The following NCAPD2 variants were observed in gnomAD, a reference collection of about 807,000 sequenced individuals.
NCAPD2 encodes condensin complex subunit 1.
In NCAPD2, 100 loss-of-function variants were observed where a neutral mutation model predicts 164.5. The ratio of observed to expected loss-of-function variants is 0.61; its 90% confidence interval spans 0.52 to 0.72. The LOEUF (loss-of-function observed/expected upper bound fraction) is 0.72. Ranked by LOEUF, NCAPD2 falls within the 30% of genes least tolerant of loss-of-function variation. NCAPD2 has a pLI of 0.00. For synonymous variants in NCAPD2, 585 were observed against 642.6 expected (o/e 0.91, Z 1.36); for missense variants, 1,560 against 1,749.2 (o/e 0.89, Z 1.93).
chr12:6,513,713 G>GTTTTTTTTTTTTTTTTTTTT (rs1303520172), intron 6 of NCAPD2, among the ~76,000 whole-genome samples: 16 of 50,108 alleles, frequency 3.2e-4, no homozygotes, highest in African/African-American at 8.8e-4. Flanking sequence ...TGGTGACTTT[G>GTTTTTTTTTTTTTTTTTTTT]TCTTTTTTTT....
intron 2 of NCAPD2, among the ~76,000 whole-genome samples, chr12:6,495,643 A>T (rs189035818): frequency 7.5e-4 from 115 of 152,322 alleles, no homozygotes; most frequent in Non-Finnish European, 6.9e-4. Flanking sequence ...AAAACCCATA[A>T]TATATATGTA....
chr12:6,529,757 A>G lies in NCAPD2; in HGVS notation c.3654-18A>G. Reference sequence around the variant, plus strand: ...AGCTGGATCTCCCAGTTCCTCACAAAGCCCTTCCTATCTGCAGAACTGAGC... The same window carrying G: ...AGCTGGATCTCCCAGTTCCTCACAAGGCCCTTCCTATCTGCAGAACTGAGC... On this transcript the variant is annotated intron_variant, in intron 28 of 31. Transcript: ENST00000315579. The G allele has an allele frequency of 6.2e-7, 1 of 1,606,338 alleles. No homozygotes were observed. Among genetic ancestry groups the G allele is most frequent in the Non-Finnish European group, 8.5e-7 (1 of 1,174,614 alleles).
intron 3 of NCAPD2, 39 bp from the exon 4 acceptor site, chr12:6,510,035 CT>C: frequency 1.3e-6 from 2 of 1,589,362 alleles, no homozygotes; most frequent in South Asian, 1.1e-5. Context: ...GCTCTGCAGG[CT>C]CCTTCCTGTC....
At chr12:6,516,207 C>CA (rs1344512751) in intron 9 of NCAPD2, among the ~76,000 whole-genome samples, 12 of 144,676 alleles carry the variant, frequency 8.3e-5, no homozygotes, top group African/African-American at 1.3e-4. Context: ...AAAAAAAAAC[C>CA]AAAAAAAACC....
At position 6,523,294 on chromosome 12, in the gene NCAPD2, C is replaced by T. The variant is rs560391483; in HGVS notation, c.2162C>T (p.Ser721Phe). The stretch of plus-strand genomic sequence containing the variant: ...GCCCAGGCTTTGATTCAGAATCTCT[C>T]TCTGCTGCTAGTGGATGCCTCGGTT... ...AKAQALIQNL[S>F]LLLVDASVGT... The change falls in exon 17 of 32, where the codon TCT (serine) becomes TTT (phenylalanine). Residue 721 changes from serine (S) to phenylalanine (F), a missense_variant. Coordinates refer to ENST00000315579, the MANE Select transcript of NCAPD2 (RefSeq NM_014865.4). 2 of 1,614,134 alleles carry T rather than the reference C, an allele frequency of 1.2e-6. No individual in the cohort carries two copies. Among genetic ancestry groups the T allele is most frequent in the African/African-American group, 1.3e-5 (1 of 75,024 alleles).
At chr12:6,527,212 G>A (rs1055483837) in intron 22 of NCAPD2, 149 bp downstream of exon 22, 21 of 869,830 alleles carry the variant, frequency 2.4e-5, no homozygotes, top group South Asian at 1.1e-4. Flanking sequence ...GGAAAGGTTC[G>A]TGTGAACAAT....
intron 2 of NCAPD2, among the ~76,000 whole-genome samples, chr12:6,504,216 TAG>T (rs3076225): frequency 0.088 from 2,006 of 22,788 alleles, 96 homozygotes; most frequent in African/African-American, 0.34. Context: ...TATATATATA[TAG>T]ATATAGATAT....
intron 2 of NCAPD2, among the ~76,000 whole-genome samples, chr12:6,500,747 T>G (rs1164194955): frequency 1.3e-5 from 2 of 152,172 alleles, no homozygotes; most frequent in Non-Finnish European, 1.5e-5. Context: ...GGCAAAAACT[T>G]GAACTTCAGT....
At chr12:6,499,480 C>G (rs1017237472) in intron 2 of NCAPD2, among the ~76,000 whole-genome samples, 1 of 152,104 alleles carries the variant, frequency 6.6e-6, no homozygotes, top group Non-Finnish European at 1.5e-5. Flanking sequence ...CTCCACCTCA[C>G]AGGTTCAAGC....
Position 6,517,493 on chromosome 12 carries a change from C to T in NCAPD2, c.1314C>T (p.Ser438=). ...GTTTTCTAGCCAATAATCCTTTCTC[C>T]TGCAAGGTAAGTAGACTTGGTCCAC... The part of the protein sequence containing the change: ...LASFLANNPF[S]CKLSDADLAG... The change falls in exon 11 of 32, where the codon TCC becomes TCT. Residue 438 remains serine (S), a synonymous_variant. Coordinates refer to ENST00000315579, the MANE Select transcript of NCAPD2 (RefSeq NM_014865.4). 6.2e-7 allele frequency: 1 copy of T among 1,614,226 alleles called. No individual in the cohort carries two copies. Among genetic ancestry groups the T allele is most frequent in the South Asian group, 1.1e-5 (1 of 91,086 alleles).
At chr12:6,518,878 C>G (rs546814210) in intron 13 of NCAPD2, among the ~76,000 whole-genome samples, 29 of 151,324 alleles carry the variant, frequency 1.9e-4, no homozygotes, top group African/African-American at 6.5e-4. Flanking sequence ...TTACTTCTTA[C>G]CTAATTGGGC....
chr12:6,527,922 C>A, intron 23 of NCAPD2, 34 bp downstream of exon 23: 2 of 1,614,030 alleles, frequency 1.2e-6, no homozygotes, highest in Non-Finnish European at 1.7e-6. Context: ...CAGTTTCTTC[C>A]CAATTAAGAT....
Position 6,521,777 on chromosome 12 carries a change from T to G in NCAPD2, c.1715-21T>G, listed in dbSNP as rs1422532272. 5.0e-6 allele frequency: 8 copies of G among 1,612,748 alleles called. No individual in the cohort carries two copies. The Admixed American group carries it at 1.3e-4, about 27-fold the overall frequency. On this transcript the variant is annotated intron_variant, in intron 14 of 31. Coordinates refer to ENST00000315579, the MANE Select transcript of NCAPD2 (RefSeq NM_014865.4). ...TGTATCCCCTTGAACGAAACCATCC[T>G]GTACTTCTCTAACTCCTTAGGCCCA...
chr12:6,518,504 GTTTTTT>G lies in NCAPD2; in HGVS notation c.1589+570_1589+575del, dbSNP rs56183938. On this transcript the variant is annotated intron_variant, in intron 13 of 31. Coordinates refer to ENST00000315579, the MANE Select transcript of NCAPD2 (RefSeq NM_014865.4). Reference sequence around the variant, plus strand: ...CAAAAGCCCTTACAGCCGTCAACAAGTTTTTTTTTTTTTTTTTTTTTTTTTTTTTTG... The same window carrying G: ...CAAAAGCCCTTACAGCCGTCAACAAGTTTTTTTTTTTTTTTTTTTTTTTTG... Among the ~76,000 whole-genome samples the G allele has an allele frequency of 6.0e-4, 27 of 44,780 alleles. 2 individuals are homozygous for G. Among genetic ancestry groups the G allele is most frequent in the East Asian group, 4.4e-3 (7 of 1,576 alleles). 29.4% of individuals were successfully genotyped at this position (44,780 alleles called of 152,430 possible). A position where few individuals can be genotyped will look rare whatever the true frequency, so the allele number is the denominator to read the frequency against.
chr12:6,515,123 G>A (rs1204895022), intron 9 of NCAPD2, among the ~76,000 whole-genome samples: 1 of 152,042 alleles, frequency 6.6e-6, no homozygotes, highest in Non-Finnish European at 1.5e-5. Context: ...AATTCACATT[G>A]CTTTTATCCA....
At chr12:6,526,666 G>T in intron 21 of NCAPD2, 51 bp downstream of exon 21, 1 of 1,590,026 alleles carries the variant, frequency 6.3e-7, no homozygotes, top group Non-Finnish European at 8.6e-7. Context: ...TGTTCTCCCT[G>T]CAGGGCCAGG....
intron 29 of NCAPD2, among the ~76,000 whole-genome samples, chr12:6,530,424 G>T (rs953309575): frequency 1.3e-5 from 2 of 152,162 alleles, no homozygotes; most frequent in Non-Finnish European, 2.9e-5. Context: ...CACCATTGCA[G>T]TATCATACAG....
rs1238198667 is a variant in NCAPD2, at chr12:6,517,409, G to A, written c.1230G>A (p.Val410=). 1 of 1,614,200 alleles carries A rather than the reference G, an allele frequency of 6.2e-7. No homozygotes were observed. Among genetic ancestry groups the A allele is most frequent in the East Asian group, 2.2e-5 (1 of 44,894 alleles). Residue 410 remains valine (V), a synonymous_variant, in exon 11 of 32, where the codon GTG becomes GTA. Coordinates refer to ENST00000315579, the MANE Select transcript of NCAPD2 (RefSeq NM_014865.4). ...TRFQAVVALA[V]GRLADKSVLV... The stretch of plus-strand genomic sequence containing the variant: ...TCCAGGCAGTGGTGGCTTTAGCTGT[G>A]GGACGTCTGGCAGACAAGTCAGTGC...
chr12:6,506,317 G>T (rs1319455781), intron 2 of NCAPD2, among the ~76,000 whole-genome samples: 1 of 152,082 alleles, frequency 6.6e-6, no homozygotes, highest in East Asian at 1.9e-4. Flanking sequence ...GCCGGGCACG[G>T]TGGCTCAACC....
Sources: gnomAD v4.1 joint callset for allele counts (sites outside exome capture counted in the v4.1 genomes callset) on GRCh38, gnomAD v4.1.1 for gene constraint, MANE v1.5 for transcripts, NCBI Gene and HGNC (gene_info 2026-07-23, HGNC 2026-07-21) for gene names.